NFASC: variants seen among roughly 807,000 people sequenced by gnomAD.
NFASC encodes neurofascin, also known as neurofascin homolog.
NFASC carries 43 observed loss-of-function variants against 147.5 expected under a neutral mutation model. That is an observed-to-expected ratio of 0.29 (90% CI 0.23 to 0.38). NFASC has a LOEUF of 0.38. Ranked by LOEUF, NFASC falls within the 10% of genes least tolerant of loss-of-function variation. NFASC has a pLI of 1.00. For missense variants in NFASC, 1,320 were observed against 1,689.0 expected (o/e 0.78, Z 3.83); for synonymous variants, 622 against 665.5 (o/e 0.93, Z 1.01).
chr1:204,993,643 G>T, intron 24 of NFASC: 1 of 433,432 alleles, frequency 2.3e-6, no homozygotes, highest in Non-Finnish European at 4.7e-6. Flanking sequence ...TCCCCCCTTA[G>T]CTAACAGAGA....
At chr1:204,864,296 G>C (rs547574336) in intron 1 of NFASC, among the ~76,000 whole-genome samples, 1 of 152,248 alleles carries the variant, frequency 6.6e-6, no homozygotes, top group African/African-American at 2.4e-5. Flanking sequence ...TCCATCTTTT[G>C]GCTGTTGTGA....
At chr1:204,972,179 G>A (rs150451192) in intron 11 of NFASC, among the ~76,000 whole-genome samples, 68 of 152,250 alleles carry the variant, frequency 4.5e-4, no homozygotes, top group African/African-American at 1.4e-3. Flanking sequence ...GTGGAGTGGC[G>A]CCTGCAGGGC....
chr1:204,841,051 C>A (rs192459388), intron 1 of NFASC, among the ~76,000 whole-genome samples: 1 of 152,312 alleles, frequency 6.6e-6, no homozygotes, highest in African/African-American at 2.4e-5. Flanking sequence ...ATAATGTTAA[C>A]CCTCTGACTC....
chr1:204,869,467 C>T (rs185123403), intron 1 of NFASC, among the ~76,000 whole-genome samples: 1 of 152,240 alleles, frequency 6.6e-6, no homozygotes, highest in East Asian at 1.9e-4. Context: ...TTTACTCAAT[C>T]TTCCATTTGA....
rs551377906 is a variant in NFASC at position 204,876,987 on chromosome 1, G to A, written c.-199-43645G>A. Among the ~76,000 whole-genome samples, 9 of 83,510 alleles carry A rather than the reference G, an allele frequency of 1.1e-4. No individual in the cohort carries two copies. In the South Asian group the frequency reaches 2.3e-3, roughly 21 times the overall value. The allele number at this position is 83,510 out of a possible 152,430, so 54.8% of individuals were successfully genotyped here. ...ACAGGAATTTATGCCAAATGAGTTGGCTAAATATGTATATATATATATATA... is the reference window on the plus strand; with the variant it reads ...ACAGGAATTTATGCCAAATGAGTTGACTAAATATGTATATATATATATATA... On this transcript the variant is annotated intron_variant, in intron 1 of 29. Transcript: ENST00000339876.
At chr1:204,976,593 C>T in intron 15 of NFASC, 78 bp from the exon 16 acceptor site, 1 of 1,125,330 alleles carries the variant, frequency 8.9e-7, no homozygotes, top group Non-Finnish European at 1.3e-6. Flanking sequence ...TCGAGAACCC[C>T]CTCTAGGGAG....
chr1:204,937,869 A>G (rs2802816), intron 2 of NFASC, among the ~76,000 whole-genome samples: 26,044 of 152,130 alleles, frequency 0.17, 3,027 homozygotes, highest in African/African-American at 0.33. Flanking sequence ...GAGTAGAGGG[A>G]CTTTGTCTCT....
In NFASC at chr1:204,953,996, A is replaced by T. The variant is rs1172884860; in HGVS notation, c.216-192A>T. The stretch of plus-strand genomic sequence containing the variant: ...GACAGTCACTTGGGTGGGACCTGGG[A>T]CTTTGCATTTTATTGAGCTCTCCAG... On this transcript the variant is annotated intron_variant, in intron 5 of 29. Transcript: ENST00000339876. Among the ~76,000 whole-genome samples the T allele has an allele frequency of 2.6e-5, 4 of 151,890 alleles. No individual in the cohort carries two copies. The East Asian group carries it at 7.8e-4, about 30-fold the overall frequency.
chr1:205,011,214 C>CCCG (rs1553328295), intron 28 of NFASC, among the ~76,000 whole-genome samples: 7 of 151,492 alleles, frequency 4.6e-5, no homozygotes, highest in African/African-American at 1.5e-4. Context: ...AGGACCCCCC[C>CCCG]CAAAACTCAA....
intron 21 of NFASC, among the ~76,000 whole-genome samples, chr1:204,982,888 G>A (rs909200561): frequency 3.3e-5 from 5 of 152,170 alleles, no homozygotes; most frequent in South Asian, 2.1e-4. Flanking sequence ...TCAAGAGTAC[G>A]GCCAGTGGCA....
At chr1:204,927,733 C>G (rs2091869583) in intron 2 of NFASC, among the ~76,000 whole-genome samples, 1 of 152,192 alleles carries the variant, frequency 6.6e-6, no homozygotes, top group Admixed American at 6.5e-5. Context: ...GACCACTCTT[C>G]TTTAATGACA....
At chr1:204,994,181 T>C (rs1247567571) in intron 24 of NFASC, among the ~76,000 whole-genome samples, 1 of 152,128 alleles carries the variant, frequency 6.6e-6, no homozygotes, top group African/African-American at 2.4e-5. Context: ...ACCCCTTTCC[T>C]CTCTCTCATC....
At chr1:204,960,761 G>A (rs764934149) in intron 8 of NFASC, among the ~76,000 whole-genome samples, 7 of 152,112 alleles carry the variant, frequency 4.6e-5, no homozygotes, top group African/African-American at 9.7e-5. Flanking sequence ...CCATCTCTTC[G>A]TTACATTGTG....
chr1:204,928,516 T>A (rs2091977110), intron 2 of NFASC, among the ~76,000 whole-genome samples: 1 of 152,188 alleles, frequency 6.6e-6, no homozygotes. Context: ...CTCCAGTTAG[T>A]GGGCCTTGGG....
intron 2 of NFASC, among the ~76,000 whole-genome samples, chr1:204,921,758 A>T (rs1269414498): frequency 2.0e-5 from 3 of 152,308 alleles, no homozygotes; most frequent in South Asian, 2.1e-4. Flanking sequence ...ATATAAACAG[A>T]TGAAGAGCCC....
At chr1:204,905,477 T>G (rs61819446) in intron 1 of NFASC, among the ~76,000 whole-genome samples, 1 of 152,200 alleles carries the variant, frequency 6.6e-6, no homozygotes, top group East Asian at 1.9e-4. Flanking sequence ...TCTTTTTATA[T>G]GTATGTTAGC....
chr1:204,886,538 G>C (rs1356192787), intron 1 of NFASC, among the ~76,000 whole-genome samples: 1 of 152,080 alleles, frequency 6.6e-6, no homozygotes, highest in African/African-American at 2.4e-5. Context: ...TAGACTGCTG[G>C]GCCCACACTC....
At chr1:204,863,832 A>G (rs2102886333) in intron 1 of NFASC, among the ~76,000 whole-genome samples, 1 of 150,398 alleles carries the variant, frequency 6.6e-6, no homozygotes, top group South Asian at 2.1e-4. Flanking sequence ...TAGGTGAAAA[A>G]GCAAGACTCT....
rs2095200267 is a variant in NFASC at position 204,970,509 on chromosome 1, G to T, written c.1004-107G>T. On this transcript the variant is annotated intron_variant, in intron 10 of 29. Transcript: ENST00000339876. ...GCCCTGGGGCAGGTGGTGAGCACGT[G>T]GTGCTGGGACTCAGGGGCTCCTGCC... 1.2e-5 allele frequency: 16 copies of T among 1,309,782 alleles called. No homozygotes were observed. In the South Asian group the frequency reaches 1.8e-4, roughly 15 times the overall value. 81.1% of individuals were successfully genotyped at this position (1,309,782 alleles called of 1,614,324 possible).
Sources: gnomAD v4.1 joint callset for allele counts (sites outside exome capture counted in the v4.1 genomes callset) on GRCh38, gnomAD v4.1.1 for gene constraint, MANE v1.5 for transcripts, NCBI Gene and HGNC (gene_info 2026-07-23, HGNC 2026-07-21) for gene names.